APOLD1: variants seen among roughly 807,000 people sequenced by gnomAD.
The protein encoded by APOLD1 is apolipoprotein L domain containing 1, also known as apolipoprotein L domain-containing protein 1.
A neutral mutation model predicts 15.3 loss-of-function variants in APOLD1; 22 were observed. That is an observed-to-expected ratio of 1.44 (90% CI 1.03 to 2.05). The LOEUF is 2.05. Ranked by LOEUF, APOLD1 falls within the 30% of genes most tolerant of loss-of-function variation. APOLD1 has a pLI of 0.00. For synonymous variants in APOLD1, 190 were observed against 167.4 expected (o/e 1.13, Z -1.04); for missense variants, 394 against 353.5 (o/e 1.11, Z -0.92).
chr12:12,783,366 A>G (rs1340391026), upstream of APOLD1, among the ~76,000 whole-genome samples: 2 of 151,912 alleles, frequency 1.3e-5, no homozygotes, highest in African/African-American at 4.8e-5. Flanking sequence ...GCTGGAGTGC[A>G]GCGGTGTGAT....
chr12:12,787,668 C>A lies in APOLD1; in HGVS notation c.*16C>A. 6.4e-7 allele frequency: 1 copy of A among 1,563,900 alleles called. No homozygotes were observed. Among genetic ancestry groups the A allele is most frequent in the Non-Finnish European group, 8.6e-7 (1 of 1,159,170 alleles). On this transcript the variant is annotated 3_prime_UTR_variant, in exon 2 of 2. Coordinates refer to ENST00000356591, the MANE Select transcript of APOLD1 (RefSeq NM_030817.3). This position sits in a 1 kb window ranked among gnomAD's most constrained non-coding sequence, Gnocchi z 4.9. ...GTTTTTCTGAGAACATCCTTTCCCCCTAATGACCGAGGCCAGCAAATCATC... is the reference window on the plus strand; with the variant it reads ...GTTTTTCTGAGAACATCCTTTCCCCATAATGACCGAGGCCAGCAAATCATC...
intron 1 of APOLD1, among the ~76,000 whole-genome samples, chr12:12,768,625 C>T (rs1946959856): frequency 6.6e-6 from 1 of 151,558 alleles, no homozygotes; most frequent in Non-Finnish European, 1.5e-5. Flanking sequence ...GCACTCCAGC[C>T]TGGGCAACAC....
chr12:12,745,547 A>G (rs1227668812), intron 1 of APOLD1, among the ~76,000 whole-genome samples: 3 of 152,140 alleles, frequency 2.0e-5, no homozygotes, highest in Non-Finnish European at 4.4e-5. Flanking sequence ...AAGACTGAAG[A>G]GAAGAGGAAG....
intron 1 of APOLD1, among the ~76,000 whole-genome samples, chr12:12,732,827 A>G (rs1337570630): frequency 6.6e-6 from 1 of 152,140 alleles, no homozygotes; most frequent in Admixed American, 6.5e-5. Context: ...GACTAAAGAT[A>G]TATTTATCAA....
intron 1 of APOLD1, among the ~76,000 whole-genome samples, chr12:12,746,085 G>T (rs1946762710): frequency 1.3e-5 from 2 of 152,128 alleles, no homozygotes; most frequent in Non-Finnish European, 2.9e-5. Flanking sequence ...TTGCAGTGTG[G>T]CTATTTCATC....
chr12:12,774,599 GA>G (rs1219910652), intron 1 of APOLD1, among the ~76,000 whole-genome samples: 4 of 94,496 alleles, frequency 4.2e-5, no homozygotes, highest in African/African-American at 1.5e-4. Flanking sequence ...GTAAAGAAAA[GA>G]AAAGAAAGAA....
chr12:12,739,349 A>G (rs1297478315), intron 1 of APOLD1, among the ~76,000 whole-genome samples: 1 of 152,236 alleles, frequency 6.6e-6, no homozygotes, highest in Non-Finnish European at 1.5e-5. Flanking sequence ...CTTTAAAAAG[A>G]AGCAGGCAAA....
chr12:12,785,761 AATTATCCCTGGTGGGTTGG>A lies in APOLD1; in HGVS notation c.3+73_3+91del, dbSNP rs1947118905. ...TCTCATTTTCTCTTTTCACCTGGAAAATTATCCCTGGTGGGTTGGATTATGGAAGCATGGAAGTAAAATT... is the reference window on the plus strand; with the variant it reads ...TCTCATTTTCTCTTTTCACCTGGAAAATTATGGAAGCATGGAAGTAAAATT... On this transcript the variant is annotated intron_variant, in intron 1 of 1. Transcript: ENST00000356591. The A allele has an allele frequency of 2.6e-5, 39 of 1,480,984 alleles. 1 individual carries two copies. In the South Asian group the frequency reaches 4.1e-4, roughly 15 times the overall value. 91.7% of individuals were successfully genotyped at this position (1,480,984 alleles called of 1,614,324 possible).
chr12:12,750,147 C>T (rs953253286), intron 1 of APOLD1, among the ~76,000 whole-genome samples: 4 of 152,042 alleles, frequency 2.6e-5, no homozygotes, highest in East Asian at 3.9e-4. Flanking sequence ...CCGAGGCGGG[C>T]GGATCACCTG....
chr12:12,753,518 A>G (rs756229316), intron 1 of APOLD1, among the ~76,000 whole-genome samples: 59 of 152,040 alleles, frequency 3.9e-4, no homozygotes, highest in Admixed American at 3.3e-4. Flanking sequence ...AATAAAAAAA[A>G]TTTAGCCAGG....
Position 12,727,028 on chromosome 12 carries a change from A to T in APOLD1, c.96+932A>T, listed in dbSNP as rs1392178176. 3.3e-5 allele frequency among the ~76,000 whole-genome samples: 5 copies of T among 152,364 alleles called. No homozygotes were observed. In the East Asian group the frequency reaches 9.6e-4, roughly 29 times the overall value. On this transcript the variant is annotated intron_variant, in intron 1 of 1. Coordinates refer to the APOLD1 transcript ENST00000326765. ...ATAGGAACGTTGTAGACAAGATTCAAATATCAAATAGTATTTGGACTAGTG... is the reference window on the plus strand; with the variant it reads ...ATAGGAACGTTGTAGACAAGATTCATATATCAAATAGTATTTGGACTAGTG...
intron 1 of APOLD1, among the ~76,000 whole-genome samples, chr12:12,754,628 A>G (rs113462891): frequency 0.021 from 3,150 of 151,976 alleles, 37 homozygotes; most frequent in South Asian, 0.03. Flanking sequence ...ACGGGGTTTT[A>G]CCATGTTGTC....
chr12:12,737,922 G>A (rs1946702111), intron 1 of APOLD1, among the ~76,000 whole-genome samples: 1 of 152,112 alleles, frequency 6.6e-6, no homozygotes, highest in Non-Finnish European at 1.5e-5. Context: ...ACCTTTTGTT[G>A]GCAACAACAA....
upstream of APOLD1, among the ~76,000 whole-genome samples, chr12:12,782,061 C>T (rs1249843117): frequency 6.6e-6 from 1 of 151,630 alleles, no homozygotes; most frequent in East Asian, 2.0e-4. Flanking sequence ...GAGTTTGAGA[C>T]CAGTTTGGCC....
At chr12:12,760,892 C>T (rs1946893678) in intron 1 of APOLD1, among the ~76,000 whole-genome samples, 1 of 152,122 alleles carries the variant, frequency 6.6e-6, no homozygotes, top group African/African-American at 2.4e-5. Context: ...TAGGATATAC[C>T]AAAGTTTAAC....
intron 1 of APOLD1, among the ~76,000 whole-genome samples, chr12:12,761,827 G>A (rs7300270): frequency 0.032 from 572 of 18,122 alleles, 9 homozygotes; most frequent in East Asian, 0.079. Context: ...ATATGTATAT[G>A]TATAGAGAGA....
At chr12:12,730,532 T>G (rs1946630346) in intron 1 of APOLD1, among the ~76,000 whole-genome samples, 1 of 151,282 alleles carries the variant, frequency 6.6e-6, no homozygotes, top group Non-Finnish European at 1.5e-5. Context: ...AATACAAAAA[T>G]TAGCCGGGCG....
chr12:12,746,510 A>AATAAATACAAAATAC (rs1555089060), intron 1 of APOLD1, among the ~76,000 whole-genome samples: 2 of 149,952 alleles, frequency 1.3e-5, no homozygotes, highest in East Asian at 2.0e-4. Flanking sequence ...TAAATAAATA[A>AATAAATACAAAATAC]ATAAATACAT....
chr12:12,787,203 G>T lies in APOLD1; in HGVS notation c.298G>T (p.Ala100Ser). The change falls in exon 2 of 2, where the codon GCC becomes TCC. Residue 100 changes from alanine to serine, a missense_variant. Transcript: ENST00000356591. The surrounding 1 kb of genome is among the most constrained non-coding windows in gnomAD (Gnocchi z 4.9). ...GCTGGGGGTGGCCACAGCCGGAGGGGCCGTCACCATCACGTCCGATCTCTC... is the reference window on the plus strand; with the variant it reads ...GCTGGGGGTGGCCACAGCCGGAGGGTCCGTCACCATCACGTCCGATCTCTC... The part of the protein sequence containing the change: ...VGLGVATAGG[A>S]VTITSDLSLI... The T allele has an allele frequency of 3.9e-6, 6 of 1,552,102 alleles. No homozygotes were observed. Among genetic ancestry groups the T allele is most frequent in the Non-Finnish European group, 5.2e-6 (6 of 1,157,138 alleles).
Sources: gnomAD v4.1 joint callset for allele counts (sites outside exome capture counted in the v4.1 genomes callset) on GRCh38, gnomAD v4.1.1 for gene constraint, Gnocchi (gnomAD v3.1) non-coding constraint, MANE v1.5 for transcripts, NCBI Gene and HGNC (gene_info 2026-07-23, HGNC 2026-07-21) for gene names.